The following SYCE2 variants were observed in gnomAD, a reference collection of about 807,000 sequenced individuals.
SYCE2 encodes synaptonemal complex central element protein 2.
In SYCE2, 3 loss-of-function variants were observed where a neutral mutation model predicts 27.9. That is an observed-to-expected ratio of 0.11 (90% CI 0.05 to 0.28). SYCE2 has a LOEUF of 0.28. Among genes scored for constraint, SYCE2 ranks in the 10% least tolerant of loss-of-function variants. The pLI, the probability that SYCE2 is intolerant of heterozygous loss-of-function variation, is 1.00. For synonymous variants in SYCE2, 85 were observed against 100.7 expected, an observed-to-expected ratio of 0.84 and a Z score of 0.93; for missense variants, 207 against 263.5, an observed-to-expected ratio of 0.79 and a Z score of 1.48.
chr19:12,899,347 TTCACCA>T lies in SYCE2; in HGVS notation c.645_650del (p.Asp215_Gly216del), dbSNP rs747302250. ...GTGAGTCTCCCGGCAGCTGTCAGCA[TTCACCA>T]TCTCTGTTGGTCTGTACTTCTGAAG... On this transcript the variant is annotated inframe_deletion, in exon 6 of 6. Transcript: ENST00000293695. 15 of 1,613,910 alleles carry T rather than the reference TTCACCA, an allele frequency of 9.3e-6. No individual in the cohort carries two copies. The African/African-American group carries it at 1.9e-4, about 20-fold the overall frequency.
chr19:12,899,772 T>A, intron 5 of SYCE2: 1 of 1,606,824 alleles, frequency 6.2e-7, no homozygotes, highest in Non-Finnish European at 8.5e-7. Flanking sequence ...TAACCATGGA[T>A]GAGAGCAGAC....
At chr19:12,913,144 C>T (rs935491603) in intron 2 of SYCE2, among the ~76,000 whole-genome samples, 2 of 152,190 alleles carry the variant, frequency 1.3e-5, no homozygotes, top group South Asian at 2.1e-4. Flanking sequence ...GATTGGGCAG[C>T]GGGCTGGGGG....
chr19:12,900,320 T>G (rs1970808944), intron 4 of SYCE2, 140 bp downstream of exon 4: 7 of 1,094,658 alleles, frequency 6.4e-6, no homozygotes, highest in Non-Finnish European at 9.0e-6. Flanking sequence ...AACAAGATGG[T>G]GAGTGCACCA....
intron 2 of SYCE2, chr19:12,914,070 C>T (rs1971092815): frequency 6.6e-6 from 1 of 152,274 alleles, no homozygotes; most frequent in African/African-American, 2.4e-5. Flanking sequence ...CACCCCACCC[C>T]GAGTTCCGGG....
At chr19:12,905,441 C>T (rs1356133724) in intron 2 of SYCE2, among the ~76,000 whole-genome samples, 1 of 150,844 alleles carries the variant, frequency 6.6e-6, no homozygotes, top group African/African-American at 2.4e-5. Context: ...ATGCCATTCT[C>T]CTGGCTCAGC....
intron 2 of SYCE2, among the ~76,000 whole-genome samples, chr19:12,906,728 G>A (rs1970940649): frequency 6.6e-6 from 1 of 151,980 alleles, no homozygotes; most frequent in Non-Finnish European, 1.5e-5. Flanking sequence ...CCAACATGGT[G>A]AAACCCCATC....
intron 5 of SYCE2, 57 bp from the exon 6 acceptor site, chr19:12,899,442 A>G: frequency 6.2e-7 from 1 of 1,614,010 alleles, no homozygotes; most frequent in Non-Finnish European, 8.5e-7. Context: ...AAAACTCCAA[A>G]CCGACTCTGT....
intron 2 of SYCE2, among the ~76,000 whole-genome samples, chr19:12,910,820 G>C (rs1268762339): frequency 2.0e-5 from 3 of 151,858 alleles, no homozygotes; most frequent in Non-Finnish European, 2.9e-5. Flanking sequence ...TGGGACTACA[G>C]GCGCCCGCCA....
In SYCE2 at chr19:12,900,484, G is replaced by A. The variant is rs1970812628; in HGVS notation, c.471C>T (p.Tyr157=). 2 of 1,613,894 alleles carry A rather than the reference G, an allele frequency of 1.2e-6. No individual in the cohort carries two copies. Among genetic ancestry groups the A allele is most frequent in the Non-Finnish European group, 1.7e-6 (2 of 1,180,020 alleles). ...KQVCHSVETV[Y]KDLCLQPEQS... ...CCTCAGGCTGGAGACACAGGTCTTT[G>A]TACACAGTCTCCACGCTGTGGCAGA... The change falls in exon 4 of 6, where the codon TAC becomes TAT. Residue 157 remains tyrosine, a synonymous_variant. Transcript: ENST00000293695.
Position 12,899,464 on chromosome 19 carries a change from C to A in SYCE2, c.613-79G>T, listed in dbSNP as rs774546166. The stretch of plus-strand genomic sequence containing the variant: ...CAAACCGACTCTGTATTAATCTTGT[C>A]CAGGTACACATGACATTCACGCCCT... On this transcript the variant is annotated intron_variant, in intron 5 of 5. Transcript: ENST00000293695. 1.9e-6 allele frequency: 3 copies of A among 1,614,004 alleles called. No individual in the cohort carries two copies. Among genetic ancestry groups the A allele is most frequent in the Non-Finnish European group, 8.5e-7 (1 of 1,180,010 alleles).
chr19:12,907,074 T>C (rs1970946663), intron 2 of SYCE2, among the ~76,000 whole-genome samples: 2 of 152,224 alleles, frequency 1.3e-5, no homozygotes, highest in Admixed American at 6.5e-5. Context: ...GTTTGACGTC[T>C]GATCAGTTAG....
chr19:12,904,358 C>T (rs1346381136), intron 3 of SYCE2, 134 bp downstream of exon 3: 3 of 1,048,462 alleles, frequency 2.9e-6, no homozygotes, highest in Middle Eastern at 2.6e-4. Flanking sequence ...GTAGCCCCAT[C>T]ATAAGTGGAG....
chr19:12,918,877 G>A (rs1971188523), intron 1 of SYCE2, among the ~76,000 whole-genome samples: 1 of 151,804 alleles, frequency 6.6e-6, no homozygotes, highest in African/African-American at 2.4e-5. Context: ...CTTGAACCCG[G>A]GAGGCAGAGG....
chr19:12,910,393 GCT>G (rs1971022918), intron 2 of SYCE2, among the ~76,000 whole-genome samples: 2 of 137,744 alleles, frequency 1.5e-5, no homozygotes, highest in African/African-American at 7.1e-5. Context: ...GGTCGCTCAG[GCT>G]GGAGTGACAG....
intron 2 of SYCE2, among the ~76,000 whole-genome samples, chr19:12,910,880 T>C (rs535874697): frequency 6.6e-5 from 10 of 151,958 alleles, no homozygotes; most frequent in South Asian, 2.1e-4. Context: ...GGTTTCACCA[T>C]GTTAGCCAGG....
intron 2 of SYCE2, among the ~76,000 whole-genome samples, chr19:12,915,637 G>A (rs907799998): frequency 6.6e-6 from 1 of 150,780 alleles, no homozygotes; most frequent in Non-Finnish European, 1.5e-5. Flanking sequence ...CGTATGCTAT[G>A]GGAATTATAT....
chr19:12,918,470 C>T (rs1460063029), intron 1 of SYCE2, 133 bp from the exon 2 acceptor site: 2 of 781,434 alleles, frequency 2.6e-6, no homozygotes, highest in African/African-American at 3.4e-5. Flanking sequence ...GAAAGACGGG[C>T]AGGGCTGGGG....
chr19:12,917,485 C>A (rs1007954173), intron 2 of SYCE2, among the ~76,000 whole-genome samples: 2 of 152,104 alleles, frequency 1.3e-5, no homozygotes, highest in African/African-American at 4.8e-5. Flanking sequence ...GCCTTAGCCT[C>A]CCGAGTAGCT....
intron 4 of SYCE2, 127 bp downstream of exon 4, chr19:12,900,333 G>A (rs1970809405): frequency 1.7e-6 from 2 of 1,147,654 alleles, no homozygotes; most frequent in Admixed American, 2.8e-5. Context: ...GTGCACCAAG[G>A]GCTTTGCAGG....
Sources: allele counts gnomAD v4.1 joint callset (sites outside exome capture counted in the v4.1 genomes callset), GRCh38; gene constraint gnomAD v4.1.1; transcripts MANE v1.5; gene names NCBI Gene and HGNC (gene_info 2026-07-23, HGNC 2026-07-21).